Variants in ELFN1 observed in about 807,000 individuals in gnomAD.
ELFN1 encodes extracellular leucine rich repeat and fibronectin type III domain containing 1.
ELFN1 carries 6 observed loss-of-function variants against 7.6 expected under a neutral mutation model. The ratio of observed to expected loss-of-function variants is 0.79; its 90% CI spans 0.43 to 1.56. The LOEUF is 1.56. Ranked by LOEUF, ELFN1 falls within the 40% of genes most tolerant of loss-of-function variation. The pLI is 0.01. For missense variants in ELFN1, 1,169 were observed against 1,232.2 expected (o/e 0.95, Z 0.77); for synonymous variants, 657 against 588.1 (o/e 1.12, Z -1.70).
chr7:1,746,005 A>C lies in ELFN1; in HGVS notation c.1409A>C (p.Lys470Thr). Residue 470 changes from lysine (K) to threonine (T), a missense_variant, in exon 4 of 4, where the codon AAG becomes ACG. Physicochemically the swap from Lys to Thr is moderately conservative, Grantham distance 78. Transcript: ENST00000424383. ...CTCAAGAAGACCATCATCGAGCTCA[A>C]GTACGGGCCAGAGCTGGAGGCGCCC... ...GSLKKTIIELKYGPELEAPGL... is the reference protein window; with the variant it reads ...GSLKKTIIELTYGPELEAPGL... 3.2e-6 allele frequency: 5 copies of C among 1,543,970 alleles called. No homozygotes were observed. Among genetic ancestry groups the C allele is most frequent in the Non-Finnish European group, 4.4e-6 (5 of 1,142,822 alleles).
Position 1,739,869 on chromosome 7 carries a change from G to C in ELFN1, c.-293-4435G>C, listed in dbSNP as rs1008006770. 1.3e-5 allele frequency among the ~76,000 whole-genome samples: 2 copies of C among 152,144 alleles called. No individual in the cohort carries two copies. Among genetic ancestry groups the C allele is most frequent in the African/African-American group, 4.8e-5 (2 of 41,432 alleles). ...GGATGGAAGAGGAGGTGAGGGAGGG[G>C]GATGGAAACTGCTGGCGATCCTTCC... On this transcript the variant is annotated intron_variant, in intron 3 of 3. Coordinates refer to ENST00000424383, the MANE Select transcript of ELFN1 (RefSeq NM_001128636.4). The surrounding 1 kb of genome is among the most constrained non-coding windows in gnomAD (Gnocchi z 4.6).
At chr7:1,676,539 A>G (rs1210891234) in intron 1 of ELFN1, among the ~76,000 whole-genome samples, 1 of 152,212 alleles carries the variant, frequency 6.6e-6, no homozygotes, top group Non-Finnish European at 1.5e-5. Context: ...TGGAAAGGGC[A>G]GAGCCGCCAC....
At chr7:1,713,523 G>A (rs1434081132) in intron 3 of ELFN1, among the ~76,000 whole-genome samples, 1 of 152,198 alleles carries the variant, frequency 6.6e-6, no homozygotes, top group Non-Finnish European at 1.5e-5. Context: ...GTCCCTAGAA[G>A]TTGCTTTTAT....
At chr7:1,706,030 G>A (rs1779523465) in intron 2 of ELFN1, among the ~76,000 whole-genome samples, 1 of 152,188 alleles carries the variant, frequency 6.6e-6, no homozygotes, top group South Asian at 2.1e-4. Context: ...CCAGGTCACG[G>A]CAGTGGTGGT....
chr7:1,715,821 T>C (rs114905688), intron 3 of ELFN1, among the ~76,000 whole-genome samples: 7,214 of 152,236 alleles, frequency 0.047, 596 homozygotes, highest in African/African-American at 0.16. Context: ...TCAGGGCTCC[T>C]GAAGGCTGCC....
intron 2 of ELFN1, among the ~76,000 whole-genome samples, chr7:1,696,974 T>A (rs531855893): frequency 1.4e-4 from 21 of 152,236 alleles, no homozygotes; most frequent in Non-Finnish European, 2.9e-4. Flanking sequence ...GGACTGCTCG[T>A]CCCCTTTCAG....
intron 3 of ELFN1, among the ~76,000 whole-genome samples, chr7:1,742,025 T>G (rs532571004): frequency 1.2e-4 from 18 of 152,270 alleles, no homozygotes; most frequent in African/African-American, 4.1e-4. Context: ...CAAACACGTG[T>G]GTGGGTGGAC....
intron 3 of ELFN1, among the ~76,000 whole-genome samples, chr7:1,722,085 G>C (rs1057097093): frequency 6.6e-6 from 1 of 152,142 alleles, no homozygotes; most frequent in Non-Finnish European, 1.5e-5. Flanking sequence ...TGGTCCTTGG[G>C]ACTAGAGAAA....
chr7:1,746,774 G>T lies in ELFN1; in HGVS notation c.2178G>T (p.Pro726=). ...PAPPGPPPPP[P]HEGLGRKASI... ...CCCCCGGGCCACCGCCGCCGCCTCC[G>T]CACGAGGGCCTGGGGCGCAAGGCGT... The change falls in exon 4 of 4, where the codon CCG becomes CCT. Residue 726 remains proline (P), a synonymous_variant. Transcript: ENST00000424383. The T allele has an allele frequency of 4.6e-6, 7 of 1,516,338 alleles. No individual in the cohort carries two copies. Among genetic ancestry groups the T allele is most frequent in the Non-Finnish European group, 6.2e-6 (7 of 1,137,922 alleles). The allele number at this position is 1,516,338 out of a possible 1,614,324, so 93.9% of individuals were successfully genotyped here.
At position 1,744,451 on chromosome 7, in the gene ELFN1, C is replaced by T. The variant is rs1583407429; in HGVS notation, c.-146C>T. 3.0e-5 allele frequency: 28 copies of T among 937,170 alleles called. No homozygotes were observed. Among genetic ancestry groups the T allele is most frequent in the Non-Finnish European group, 4.1e-5 (27 of 665,346 alleles). The allele number at this position is 937,170 out of a possible 1,614,324, so 58.1% of individuals were successfully genotyped here. ...GCCCTCCCTCCCCGCGCTTACGTCG[C>T]GCGGCCATGCGGTTTGGGACAGGAC... On this transcript the variant is annotated 5_prime_UTR_variant, in exon 4 of 4. Transcript: ENST00000424383.
chr7:1,676,456 G>A (rs1048179559), intron 1 of ELFN1, among the ~76,000 whole-genome samples: 2 of 152,330 alleles, frequency 1.3e-5, no homozygotes, highest in South Asian at 2.1e-4. Context: ...CCGGAGCCTC[G>A]GCCTCTCCTC....
At chr7:1,741,329 TG>T (rs1780607687) in intron 3 of ELFN1, among the ~76,000 whole-genome samples, 1 of 152,024 alleles carries the variant, frequency 6.6e-6, no homozygotes, top group Non-Finnish European at 1.5e-5. Context: ...GAGGCCAGGC[TG>T]GGGGTGGGGG....
In ELFN1 at chr7:1,705,638, G is replaced by A. The variant is rs562039368; in HGVS notation, c.-455-3453G>A. On this transcript the variant is annotated intron_variant, in intron 2 of 3. Transcript: ENST00000424383. This position sits in a 1 kb window ranked among gnomAD's most constrained non-coding sequence, Gnocchi z 4.3. ...CCTCAATTTACCCTCGCCTCTGGGG[G>A]CTGCTGTCCCTCTGGGCCCTTGCCC... Among the ~76,000 whole-genome samples the A allele has an allele frequency of 7.9e-5, 12 of 152,376 alleles. No individual in the cohort carries two copies. The highest frequency in any genetic ancestry group is 1.9e-4 in the East Asian group (1 of 5,184).
intron 2 of ELFN1, among the ~76,000 whole-genome samples, chr7:1,701,531 T>C (rs1779428476): frequency 6.6e-6 from 1 of 152,200 alleles, no homozygotes. Flanking sequence ...TTTTTCTGGC[T>C]GGGTGCAGTG....
At chr7:1,699,742 T>G (rs1209330883) in intron 2 of ELFN1, among the ~76,000 whole-genome samples, 1 of 152,202 alleles carries the variant, frequency 6.6e-6, no homozygotes, top group Non-Finnish European at 1.5e-5. Flanking sequence ...CTCACTCTGT[T>G]GACCAGGCTG....
intron 3 of ELFN1, among the ~76,000 whole-genome samples, chr7:1,718,559 C>T (rs1323544480): frequency 3.3e-5 from 5 of 152,140 alleles, no homozygotes; most frequent in Admixed American, 6.5e-5. Flanking sequence ...AGAGAGACAC[C>T]GACCATGTAA....
intron 2 of ELFN1, chr7:1,692,680 G>C (rs1168319711): frequency 1.3e-5 from 2 of 153,620 alleles, no homozygotes; most frequent in African/African-American, 4.8e-5. Context: ...TGGCTGGGTG[G>C]AGTGGGAAGG....
chr7:1,745,542 C>G lies in ELFN1; in HGVS notation c.946C>G (p.Arg316Gly). Residue 316 changes from arginine to glycine, a missense_variant, in exon 4 of 4, where the codon CGC (arginine) becomes GGC (glycine). Transcript: ENST00000424383. ...LPTLATQAEA[R>G]PLIKVKQLTQ... ...CACGCTGGCCACGCAGGCCGAGGCC[C>G]GCCCCCTCATCAAGGTCAAGCAGCT... The G allele has an allele frequency of 6.5e-7, 1 of 1,548,668 alleles. No homozygotes were observed. Among genetic ancestry groups the G allele is most frequent in the African/African-American group, 1.4e-5 (1 of 73,172 alleles).
intron 2 of ELFN1, 138 bp downstream of exon 2, chr7:1,688,288 G>T (rs1440350055): frequency 6.6e-6 from 1 of 151,986 alleles, no homozygotes; most frequent in African/African-American, 2.4e-5. Flanking sequence ...TCCATGGCTT[G>T]CCATTTCACT....
Sources: allele counts gnomAD v4.1 joint callset (sites outside exome capture counted in the v4.1 genomes callset), GRCh38; gene constraint gnomAD v4.1.1; non-coding constraint Gnocchi (gnomAD v3.1); transcripts MANE v1.5; gene names NCBI Gene and HGNC (gene_info 2026-07-23, HGNC 2026-07-21).